The following ATG2B variants were observed in gnomAD, a reference collection of about 807,000 sequenced individuals.
The protein encoded by ATG2B is autophagy-related protein 2 homolog B.
ATG2B carries 121 observed loss-of-function variants against 241.3 expected under a neutral mutation model. That is an observed-to-expected ratio of 0.50 (90% confidence interval 0.43 to 0.58). ATG2B has a LOEUF of 0.58. ATG2B is among the 20% of genes least tolerant of loss of function. The probability of loss-of-function intolerance (pLI) is 0.00; values close to 1 mark genes in which losing one functional copy is unlikely to be tolerated. For missense variants in ATG2B, 2,306 were observed against 2,491.6 expected, an observed-to-expected ratio of 0.93 and a Z score of 1.59; for synonymous variants, 858 against 876.6, an observed-to-expected ratio of 0.98 and a Z score of 0.37.
chr14:96,314,975 G>C (rs1335727822), intron 23 of ATG2B, among the ~76,000 whole-genome samples, 179 bp downstream of exon 23: 2 of 152,240 alleles, frequency 1.3e-5, no homozygotes, highest in Non-Finnish European at 2.9e-5. Context: ...ACAGGCATGA[G>C]CCACCGTGCC....
At chr14:96,305,876 T>C in intron 30 of ATG2B, 61 bp from the exon 31 acceptor site, 1 of 1,310,664 alleles carries the variant, frequency 7.6e-7, no homozygotes, top group African/African-American at 1.5e-5. Context: ...CTGATTATGC[T>C]GCACATCTCA....
chr14:96,303,033 A>G (rs1886834964), intron 33 of ATG2B, 28 bp downstream of exon 33: 2 of 1,432,216 alleles, frequency 1.4e-6, no homozygotes, highest in South Asian at 1.6e-5. Context: ...CAAAACTAAC[A>G]TAACACAACG....
At chr14:96,321,766 A>G (rs1887462075) in intron 18 of ATG2B, among the ~76,000 whole-genome samples, 1 of 152,172 alleles carries the variant, frequency 6.6e-6, no homozygotes, top group Non-Finnish European at 1.5e-5. Context: ...TTCTGATTCT[A>G]CTCCAGCATT....
Position 96,313,382 on chromosome 14 carries a change from T to C in ATG2B, c.3696A>G (p.Pro1232=). Residue 1232 remains proline, a synonymous_variant, in exon 24 of 42, where the codon CCA becomes CCG. Transcript: ENST00000359933. ...GAACATGAAAAGTTGTAAATGAAGT[T>C]GGAGGATTATATCCCAAAACAGGTT... ...ADEPVLGYNP[P]TSFTTFHVHL... is the part of the protein sequence containing the mutation. 6.3e-7 allele frequency: 1 copy of C among 1,599,106 alleles called. No individual in the cohort carries two copies. Among genetic ancestry groups the C allele is most frequent in the Non-Finnish European group, 8.5e-7 (1 of 1,175,990 alleles).
At chr14:96,339,315 T>C (rs1301363955) in intron 6 of ATG2B, among the ~76,000 whole-genome samples, 1 of 151,300 alleles carries the variant, frequency 6.6e-6, no homozygotes, top group Non-Finnish European at 1.5e-5. Context: ...TATACATATA[T>C]ACACACACAT....
rs1832444248 is a variant in ATG2B, at chr14:96,362,833, C to T, written c.144G>A (p.Gln48=). 1.2e-6 allele frequency: 2 copies of T among 1,609,510 alleles called. No individual in the cohort carries two copies. ...DLYQGTGSLA[Q]VPLDKWCLNE... The stretch of plus-strand genomic sequence containing the variant: ...CTCTTACCCATTTGTCCAAGGGGAC[C>T]TGGGCGAGGGACCCGGTGCCTTGGT... The change falls in exon 1 of 42, where the codon CAG becomes CAA. Residue 48 remains glutamine, a synonymous_variant. Coordinates refer to ENST00000359933, the MANE Select transcript of ATG2B (RefSeq NM_018036.7).
intron 31 of ATG2B, among the ~76,000 whole-genome samples, 154 bp from the exon 32 acceptor site, chr14:96,304,757 A>G (rs1886890078): frequency 6.6e-6 from 1 of 152,190 alleles, no homozygotes; most frequent in Non-Finnish European, 1.5e-5. Context: ...CCAAAACCGT[A>G]TCTTCTTTAC....
At chr14:96,313,188 G>A in intron 24 of ATG2B, 31 bp from the exon 25 acceptor site, 1 of 1,504,124 alleles carries the variant, frequency 6.6e-7, no homozygotes, top group South Asian at 1.1e-5. Flanking sequence ...AAGAACATCA[G>A]TTTGATACGG....
chr14:96,363,103 G>A lies in ATG2B; in HGVS notation c.-127C>T, dbSNP rs1479190792. 1 of 1,087,158 alleles carries A rather than the reference G, an allele frequency of 9.2e-7. No homozygotes were observed. The highest frequency in any genetic ancestry group is 1.6e-5 in the African/African-American group (1 of 63,434). The allele number at this position is 1,087,158 out of a possible 1,614,324, so 67.3% of individuals were successfully genotyped here. ...GGCGGCCCCTCCATCCCTATTTGGTGCCGGGAGTCCCTCAGGGAGACCCCA... is the reference window on the plus strand; with the variant it reads ...GGCGGCCCCTCCATCCCTATTTGGTACCGGGAGTCCCTCAGGGAGACCCCA... On this transcript the variant is annotated 5_prime_UTR_variant, in exon 1 of 42. Coordinates refer to ENST00000359933, the MANE Select transcript of ATG2B (RefSeq NM_018036.7).
At chr14:96,336,213 T>C (rs528377978) in intron 6 of ATG2B, among the ~76,000 whole-genome samples, 4 of 151,624 alleles carry the variant, frequency 2.6e-5, no homozygotes, top group African/African-American at 9.7e-5. Context: ...TTGAAAGAGT[T>C]AAGGCTAATG....
chr14:96,316,652 T>A lies in ATG2B; in HGVS notation c.3242A>T (p.His1081Leu), dbSNP rs1887321189. 1 of 1,610,668 alleles carries A rather than the reference T, an allele frequency of 6.2e-7. No individual in the cohort carries two copies. The highest frequency in any genetic ancestry group is 8.5e-7 in the Non-Finnish European group (1 of 1,179,126). ...ATTGAACTCTAACCAGAATTCACCA[T>A]GCTTGTTTTCCAACAGATCTCCATT... The part of the protein sequence containing the change: ...QDNGDLLENK[H>L]GEFWLEFNSG... The change falls in exon 21 of 42, where the codon CAT becomes CTT. Residue 1081 changes from histidine to leucine, a missense_variant. Around this residue, in one of 2 missense-constraint regions of ATG2B, gnomAD observed 1,927 missense variants for 2,011.2 expected, o/e 0.96. Coordinates refer to ENST00000359933, the MANE Select transcript of ATG2B (RefSeq NM_018036.7).
chr14:96,291,651 G>A lies in ATG2B; in HGVS notation c.5528C>T (p.Ala1843Val), dbSNP rs1263583091. Residue 1843 changes from alanine to valine, a missense_variant, in exon 38 of 42, where the codon GCT becomes GTT. This residue lies in a region of ATG2B where 379 missense variants were observed against 480.4 expected (regional missense o/e 0.79). Transcript: ENST00000359933. ...CTTTAGTTCAGAGCAGTTTAACTGA[G>A]CCAGACCAATCAAAATCCCAGCTAG... is the stretch of plus-strand genomic sequence containing the variant. ...GTLAGILIGLAQLNCSELKLK... is the reference protein window; with the variant it reads ...GTLAGILIGLVQLNCSELKLK... The A allele has an allele frequency of 6.2e-7, 1 of 1,608,472 alleles. No homozygotes were observed. Among genetic ancestry groups the A allele is most frequent in the Non-Finnish European group, 8.5e-7 (1 of 1,176,396 alleles).
At chr14:96,309,203 T>C (rs749984133) in intron 29 of ATG2B, among the ~76,000 whole-genome samples, 2 of 152,216 alleles carry the variant, frequency 1.3e-5, no homozygotes, top group African/African-American at 4.8e-5. Flanking sequence ...TTTGTGCCCA[T>C]TTGTTTTACT....
At chr14:96,357,681 A>G (rs1235066080) in intron 1 of ATG2B, among the ~76,000 whole-genome samples, 1 of 144,712 alleles carries the variant, frequency 6.9e-6, no homozygotes, top group Non-Finnish European at 1.6e-5. Flanking sequence ...AGATTTTTTC[A>G]TAGTTTTTTT....
chr14:96,316,778 A>C, intron 20 of ATG2B, 95 bp from the exon 21 acceptor site: 1 of 1,067,498 alleles, frequency 9.4e-7, no homozygotes, highest in Admixed American at 2.5e-5. Context: ...CAGCTTAGGA[A>C]AATCTCCCAT....
At chr14:96,306,587 TTA>T in intron 30 of ATG2B, 125 bp downstream of exon 30, 1 of 737,118 alleles carries the variant, frequency 1.4e-6, no homozygotes, top group Middle Eastern at 4.0e-4. Context: ...CAATAGTATA[TTA>T]AAAAAAAAAA....
chr14:96,320,537 A>AG (rs529464544), intron 18 of ATG2B, among the ~76,000 whole-genome samples: 13 of 152,270 alleles, frequency 8.5e-5, no homozygotes, highest in Admixed American at 7.8e-4. Context: ...AAAAAAGGAA[A>AG]GGGGGAAAAA....
chr14:96,312,823 A>G (rs1322399218), intron 25 of ATG2B, among the ~76,000 whole-genome samples: 1 of 152,214 alleles, frequency 6.6e-6, no homozygotes, highest in East Asian at 1.9e-4. Flanking sequence ...ATATGTTTTA[A>G]AATGCAAACT....
chr14:96,360,209 C>T (rs913078984), intron 1 of ATG2B, among the ~76,000 whole-genome samples: 1 of 152,226 alleles, frequency 6.6e-6, no homozygotes, highest in African/African-American at 2.4e-5. Flanking sequence ...GAGAAGAATT[C>T]TCCACTGACT....
Sources: allele counts gnomAD v4.1 joint callset (sites outside exome capture counted in the v4.1 genomes callset), GRCh38; gene constraint gnomAD v4.1.1; regional missense constraint gnomAD v4.1.1; transcripts MANE v1.5; gene names NCBI Gene and HGNC (gene_info 2026-07-23, HGNC 2026-07-21).